SGCZ: variants seen among roughly 807,000 people sequenced by gnomAD.
The protein encoded by SGCZ is zeta-sarcoglycan.
In SGCZ, 40 loss-of-function variants were observed where a neutral mutation model predicts 41.3. That is an observed-to-expected ratio of 0.97 (90% CI 0.75 to 1.26). The LOEUF (loss-of-function observed/expected upper bound fraction) is 1.26. SGCZ is among the 50% of genes most tolerant of loss of function. The probability of loss-of-function intolerance (pLI) is 0.00; values close to 1 mark genes in which losing one functional copy is unlikely to be tolerated. For synonymous variants in SGCZ, 206 were observed against 137.5 expected (o/e 1.50, Z -3.49); for missense variants, 552 against 369.8 (o/e 1.49, Z -4.04).
At chr8:14,475,410 A>G (rs1273796957) in intron 2 of SGCZ, among the ~76,000 whole-genome samples, 1 of 152,186 alleles carries the variant, frequency 6.6e-6, no homozygotes, top group Admixed American at 6.5e-5. Flanking sequence ...TTAACTATAA[A>G]AAGGTTTTTA....
chr8:15,207,721 A>C (rs1410079372), intron 1 of SGCZ, among the ~76,000 whole-genome samples: 1 of 151,274 alleles, frequency 6.6e-6, no homozygotes, highest in African/African-American at 2.5e-5. Flanking sequence ...GGAAGTGAAA[A>C]GAAGTAGCCA....
At chr8:14,358,132 T>C (rs1481550451) in intron 2 of SGCZ, among the ~76,000 whole-genome samples, 1 of 152,180 alleles carries the variant, frequency 6.6e-6, no homozygotes, top group Non-Finnish European at 1.5e-5. Context: ...TATTTGTGTG[T>C]TTGTGTCTTT....
At chr8:15,024,192 T>C (rs11780017) in intron 1 of SGCZ, among the ~76,000 whole-genome samples, 4,060 of 152,252 alleles carry the variant, frequency 0.027, 236 homozygotes, top group East Asian at 0.26. Context: ...CCAGGCACCA[T>C]AAACAAATAC....
chr8:14,190,014 C>CTTTTGTTTTT (rs1805041415), intron 4 of SGCZ, among the ~76,000 whole-genome samples: 1 of 100,202 alleles, frequency 1.0e-5, no homozygotes, highest in Admixed American at 1.3e-4. Flanking sequence ...TTCTTTCTTT[C>CTTTTGTTTTT]TTTTTTTTTT....
Position 14,363,537 on chromosome 8 carries a change from CT to C in SGCZ, c.235-39334del, listed in dbSNP as rs200260452. Among the ~76,000 whole-genome samples the C allele has an allele frequency of 7.5e-4, 114 of 151,448 alleles. 1 individual carries two copies. The South Asian group carries it at 0.021, about 28-fold the overall frequency. On this transcript the variant is annotated intron_variant, in intron 2 of 7. Transcript: ENST00000382080. ...GGTATCTTTCTTTTCTTTTCTTCTT[CT>C]TTTTTTTTCCCCCAAGCAGCAGTTT...
At chr8:15,007,465 G>A (rs1430777054) in intron 1 of SGCZ, among the ~76,000 whole-genome samples, 1 of 152,224 alleles carries the variant, frequency 6.6e-6, no homozygotes, top group Admixed American at 6.5e-5. Context: ...AGAGGCAACA[G>A]AGGGTAATAT....
intron 1 of SGCZ, among the ~76,000 whole-genome samples, chr8:15,044,705 G>C (rs1269240207): frequency 6.6e-6 from 1 of 152,028 alleles, no homozygotes; most frequent in Non-Finnish European, 1.5e-5. Context: ...TGGTAAGATG[G>C]AGGGTTAATT....
chr8:14,444,955 G>A (rs997590337), intron 2 of SGCZ, among the ~76,000 whole-genome samples: 3 of 152,120 alleles, frequency 2.0e-5, no homozygotes, highest in African/African-American at 7.2e-5. Context: ...TGGCCTCTTT[G>A]TTACTCAAAT....
In SGCZ at chr8:14,215,734, T is replaced by A. The variant is rs573070225; in HGVS notation, c.424+21858A>T. On this transcript the variant is annotated intron_variant, in intron 4 of 7. Coordinates refer to ENST00000382080, the MANE Select transcript of SGCZ (RefSeq NM_139167.4). ...GTGTATGCTCACAAATTTGTACATATAAAAATAAAACAACTCAAAAGACTA... is the reference window on the plus strand; with the variant it reads ...GTGTATGCTCACAAATTTGTACATAAAAAAATAAAACAACTCAAAAGACTA... Among the ~76,000 whole-genome samples the A allele has an allele frequency of 3.7e-4, 57 of 152,170 alleles. No individual in the cohort carries two copies. The South Asian group carries it at 0.012, about 31-fold the overall frequency.
intron 1 of SGCZ, among the ~76,000 whole-genome samples, chr8:15,004,003 C>T (rs1371866734): frequency 1.3e-5 from 2 of 151,958 alleles, no homozygotes; most frequent in African/African-American, 2.4e-5. Context: ...GGGGGGAAGC[C>T]CCTGAGAAAA....
At chr8:14,364,437 T>C (rs1006179361) in intron 2 of SGCZ, among the ~76,000 whole-genome samples, 1 of 152,158 alleles carries the variant, frequency 6.6e-6, no homozygotes, top group African/African-American at 2.4e-5. Context: ...TACTGCCTGA[T>C]CTGCAAGACA....
chr8:14,800,435 G>A (rs567627827), intron 1 of SGCZ, among the ~76,000 whole-genome samples: 26 of 152,086 alleles, frequency 1.7e-4, no homozygotes, highest in Non-Finnish European at 2.6e-4. Context: ...TTTTTATTTT[G>A]CATCTCTATG....
In SGCZ at chr8:14,682,282, A is replaced by G. The variant is rs186495102; in HGVS notation, c.40-127356T>C. On this transcript the variant is annotated intron_variant, in intron 1 of 7. Transcript: ENST00000382080. The stretch of plus-strand genomic sequence containing the variant: ...TAGAAAATATTTCATTTTTGAATAT[A>G]AGATTATACTTTGAGTATGAAAAGC... 4.6e-5 allele frequency among the ~76,000 whole-genome samples: 7 copies of G among 152,348 alleles called. No individual in the cohort carries two copies. The East Asian group carries it at 1.4e-3, about 29-fold the overall frequency.
chr8:15,043,323 C>G (rs1182667641), intron 1 of SGCZ, among the ~76,000 whole-genome samples: 1 of 152,028 alleles, frequency 6.6e-6, no homozygotes, highest in Non-Finnish European at 1.5e-5. Flanking sequence ...CTTTCTCGGT[C>G]GTTTTGACCC....
intron 1 of SGCZ, among the ~76,000 whole-genome samples, chr8:15,037,639 G>A (rs1179712985): frequency 3.3e-5 from 5 of 152,104 alleles, no homozygotes; most frequent in Non-Finnish European, 7.4e-5. Flanking sequence ...TTACACAAGA[G>A]AAACAAATAA....
intron 3 of SGCZ, among the ~76,000 whole-genome samples, chr8:14,253,098 G>A (rs927533095): frequency 3.3e-5 from 5 of 152,076 alleles, no homozygotes; most frequent in Non-Finnish European, 7.4e-5. Flanking sequence ...ATGGAGGTAA[G>A]GGTTGAGAAG....
chr8:14,990,706 A>T (rs13254449), intron 1 of SGCZ, among the ~76,000 whole-genome samples: 51,613 of 151,832 alleles, frequency 0.34, 9,454 homozygotes, highest in South Asian at 0.4. Flanking sequence ...TAATAATAGA[A>T]ATAAAGTGCG....
chr8:14,825,155 G>A (rs950612990), intron 1 of SGCZ, among the ~76,000 whole-genome samples: 1 of 152,056 alleles, frequency 6.6e-6, no homozygotes, highest in Non-Finnish European at 1.5e-5. Flanking sequence ...ATATTTCATG[G>A]AGCGCTGTGA....
intron 1 of SGCZ, among the ~76,000 whole-genome samples, chr8:14,990,792 T>C (rs28398777): frequency 0.051 from 7,818 of 152,152 alleles, 654 homozygotes; most frequent in African/African-American, 0.17. Context: ...TTGTCTTCCA[T>C]GAAAGTTGTC....
Sources: allele counts gnomAD v4.1 joint callset (sites outside exome capture counted in the v4.1 genomes callset), GRCh38; gene constraint gnomAD v4.1.1; transcripts MANE v1.5; gene names NCBI Gene and HGNC (gene_info 2026-07-23, HGNC 2026-07-21).